Variants in SLMAP observed in about 807,000 individuals in gnomAD.
SLMAP encodes sarcolemmal membrane-associated protein.
In SLMAP, 44 loss-of-function variants were observed where a neutral mutation model predicts 128.8. The ratio of observed to expected loss-of-function variants is 0.34; its 90% CI spans 0.27 to 0.44. The LOEUF (loss-of-function observed/expected upper bound fraction) is 0.44. Ranked by LOEUF, SLMAP falls within the 20% of genes least tolerant of loss-of-function variation. The pLI, the probability that SLMAP is intolerant of heterozygous loss-of-function variation, is 1.00. For synonymous variants in SLMAP, 327 were observed against 348.8 expected, an observed-to-expected ratio of 0.94 and a Z score of 0.70; for missense variants, 787 against 985.3, an observed-to-expected ratio of 0.80 and a Z score of 2.69.
chr3:57,791,425 T>G (rs2153475732), intron 2 of SLMAP, among the ~76,000 whole-genome samples: 1 of 152,294 alleles, frequency 6.6e-6, no homozygotes, highest in South Asian at 2.1e-4. Flanking sequence ...ACTCTTTACT[T>G]GCACAATGTT....
intron 15 of SLMAP, chr3:57,896,286 A>G: frequency 8.0e-7 from 1 of 1,245,822 alleles, no homozygotes; most frequent in Non-Finnish European, 1.0e-6. Flanking sequence ...CCCAGCCCTC[A>G]GCAAAGCAGA....
chr3:57,792,092 A>G (rs146041224), intron 2 of SLMAP, among the ~76,000 whole-genome samples: 36 of 152,290 alleles, frequency 2.4e-4, no homozygotes, highest in Non-Finnish European at 1.5e-5. Context: ...ATCTTTAACA[A>G]CAGAGCACTT....
rs555273591 is a variant in SLMAP at position 57,843,375 on chromosome 3, C to T, written c.419+2004C>T. Among the ~76,000 whole-genome samples, 315 of 122,422 alleles carry T rather than the reference C, an allele frequency of 2.6e-3. 1 individual carries two copies. The highest frequency in any genetic ancestry group is 9.7e-3 in the African/African-American group (304 of 31,422). The allele number at this position is 122,422 out of a possible 152,430, so 80.3% of individuals were successfully genotyped here. A position where few individuals can be genotyped will look rare whatever the true frequency, so the allele number is the denominator to read the frequency against. ...TGCCTAGGCTGGAGTGTAGTAATCT[C>T]GGCTTGCTGCAACTCCACCTCCCGG... On this transcript the variant is annotated intron_variant, in intron 4 of 24. Coordinates refer to ENST00000671191, the MANE Select transcript of SLMAP (RefSeq NM_001377540.1).
At chr3:57,849,357 C>G (rs1293096974) in intron 5 of SLMAP, among the ~76,000 whole-genome samples, 3 of 152,088 alleles carry the variant, frequency 2.0e-5, no homozygotes, top group Non-Finnish European at 4.4e-5. Context: ...TAAAACCTAC[C>G]TATGGATTTC....
Position 57,759,131 on chromosome 3 carries a change from ATACTT to A in SLMAP, c.198+1286_198+1290del, listed in dbSNP as rs1002519643. 3.0e-4 allele frequency among the ~76,000 whole-genome samples: 45 copies of A among 152,340 alleles called. 2 individuals carry two copies. Among genetic ancestry groups the A allele is most frequent in the South Asian group, 2.1e-4 (1 of 4,832 alleles). ...AAGTGCTGTGTGCTGCATAATATCT[ATACTT>A]TACGTGTAGGATGAGAACTGAAGAG... On this transcript the variant is annotated intron_variant, in intron 2 of 24. Coordinates refer to ENST00000671191, the MANE Select transcript of SLMAP (RefSeq NM_001377540.1).
chr3:57,843,775 C>CTTTTTTTTTTTTTTTTT (rs775541858), intron 4 of SLMAP, among the ~76,000 whole-genome samples: 70 of 77,134 alleles, frequency 9.1e-4, no homozygotes, highest in Non-Finnish European at 1.0e-3. Context: ...TCTTTTCTTT[C>CTTTTTTTTTTTTTTTTT]TTTTTTTTTT....
At chr3:57,812,043 A>G (rs1327618199) in intron 2 of SLMAP, among the ~76,000 whole-genome samples, 1 of 152,144 alleles carries the variant, frequency 6.6e-6, no homozygotes, top group Non-Finnish European at 1.5e-5. Flanking sequence ...TACTCTGTTG[A>G]TAGTGCCCTT....
At chr3:57,778,761 A>G (rs2082421423) in intron 2 of SLMAP, among the ~76,000 whole-genome samples, 1 of 151,486 alleles carries the variant, frequency 6.6e-6, no homozygotes, top group African/African-American at 2.4e-5. Flanking sequence ...TTTGTGGTAG[A>G]GATAGGGGCT....
intron 17 of SLMAP, among the ~76,000 whole-genome samples, chr3:57,903,355 C>T (rs1163912558): frequency 6.6e-6 from 1 of 152,172 alleles, no homozygotes; most frequent in Non-Finnish European, 1.5e-5. Flanking sequence ...AGAGTGATGG[C>T]AATGGAAAGA....
intron 2 of SLMAP, among the ~76,000 whole-genome samples, chr3:57,829,875 T>G (rs6445929): frequency 0.63 from 96,493 of 152,080 alleles, 31,245 homozygotes; most frequent in East Asian, 0.98. Context: ...AAACATAAAG[T>G]CTGTGTCCCC....
chr3:57,764,464 T>G (rs1300734586), intron 2 of SLMAP, among the ~76,000 whole-genome samples: 1 of 148,600 alleles, frequency 6.7e-6, no homozygotes, highest in Admixed American at 6.8e-5. Flanking sequence ...ATCCCATCTT[T>G]GCACTCCAAC....
chr3:57,786,054 T>TA (rs1228127803), intron 2 of SLMAP, among the ~76,000 whole-genome samples: 3 of 152,168 alleles, frequency 2.0e-5, no homozygotes, highest in Admixed American at 6.5e-5. Flanking sequence ...AATAAGACAA[T>TA]AAAAAACTGT....
chr3:57,766,553 C>A (rs1414473962), intron 2 of SLMAP, among the ~76,000 whole-genome samples: 1 of 152,194 alleles, frequency 6.6e-6, no homozygotes, highest in Non-Finnish European at 1.5e-5. Context: ...ACATGCTTCT[C>A]TTACTGACAC....
At chr3:57,786,791 T>C (rs2084273051) in intron 2 of SLMAP, among the ~76,000 whole-genome samples, 1 of 148,068 alleles carries the variant, frequency 6.8e-6, no homozygotes. Context: ...TGGAGTGCAG[T>C]GGTGTGATCT....
intron 2 of SLMAP, among the ~76,000 whole-genome samples, chr3:57,777,731 C>G (rs917368818): frequency 3.3e-5 from 5 of 152,138 alleles, no homozygotes; most frequent in African/African-American, 1.2e-4. Context: ...TCAAAAGACA[C>G]ACATAAGAAT....
intron 2 of SLMAP, among the ~76,000 whole-genome samples, chr3:57,771,170 TCCC>T (rs1220560093): frequency 0.03 from 2,152 of 71,870 alleles, 57 homozygotes; most frequent in African/African-American, 0.097. Flanking sequence ...TCCCCTCCCC[TCCC>T]CTCCCCTCTC....
chr3:57,905,515 A>G (rs1477248119), intron 17 of SLMAP, among the ~76,000 whole-genome samples: 4 of 152,060 alleles, frequency 2.6e-5, no homozygotes, highest in African/African-American at 9.7e-5. Flanking sequence ...TCCTGACCTC[A>G]AGAGATCTGT....
chr3:57,881,405 T>G (rs1436787895), intron 14 of SLMAP, among the ~76,000 whole-genome samples: 1 of 152,176 alleles, frequency 6.6e-6, no homozygotes, highest in East Asian at 1.9e-4. Flanking sequence ...CATTGAGGTC[T>G]CTACACCAAG....
intron 2 of SLMAP, among the ~76,000 whole-genome samples, chr3:57,828,918 C>G (rs1187919089): frequency 1.3e-5 from 2 of 151,898 alleles, no homozygotes; most frequent in East Asian, 3.9e-4. Flanking sequence ...GTAGTTGGGA[C>G]TACAGGCCTG....
Sources: allele counts gnomAD v4.1 joint callset (sites outside exome capture counted in the v4.1 genomes callset), GRCh38; gene constraint gnomAD v4.1.1; transcripts MANE v1.5; gene names NCBI Gene and HGNC (gene_info 2026-07-23, HGNC 2026-07-21).